The following PRKCA variants were observed in gnomAD, a reference collection of about 807,000 sequenced individuals.
PRKCA encodes the protein protein kinase C alpha.
In PRKCA, 27 loss-of-function variants were observed where a neutral mutation model predicts 87.0. The observed-to-expected ratio is 0.31, with a 90% CI of 0.23 to 0.43. The LOEUF is 0.43. Among genes scored for constraint, PRKCA ranks in the 20% least tolerant of loss-of-function variants. The pLI, the probability that PRKCA is intolerant of heterozygous loss-of-function variation, is 1.00. For missense variants in PRKCA, 518 were observed against 852.3 expected (o/e 0.61, Z 4.88); for synonymous variants, 329 against 311.1 (o/e 1.06, Z -0.61).
At chr17:66,441,560 T>C (rs774285162) in intron 2 of PRKCA, among the ~76,000 whole-genome samples, 3 of 152,174 alleles carry the variant, frequency 2.0e-5, no homozygotes, top group Non-Finnish European at 4.4e-5. Context: ...TTCATACGAC[T>C]CTCGTCTCAG....
chr17:66,658,355 C>G (rs59250087), intron 5 of PRKCA, among the ~76,000 whole-genome samples: 2,381 of 152,218 alleles, frequency 0.016, 72 homozygotes, highest in African/African-American at 0.054. Flanking sequence ...GTGGCAGACA[C>G]CTGTAATCCC....
chr17:66,709,946 A>G (rs1973282426), intron 8 of PRKCA, among the ~76,000 whole-genome samples: 1 of 152,174 alleles, frequency 6.6e-6, no homozygotes, highest in Non-Finnish European at 1.5e-5. Flanking sequence ...TGTATATAAC[A>G]TTACTGGGCA....
At chr17:66,779,662 G>C (rs1975156221) in intron 14 of PRKCA, among the ~76,000 whole-genome samples, 1 of 152,104 alleles carries the variant, frequency 6.6e-6, no homozygotes, top group Non-Finnish European at 1.5e-5. Flanking sequence ...GCTGTGATTA[G>C]GAATCCTTTT....
At chr17:66,605,604 G>A (rs1190977874) in intron 3 of PRKCA, among the ~76,000 whole-genome samples, 2 of 152,114 alleles carry the variant, frequency 1.3e-5, no homozygotes, top group East Asian at 1.9e-4. Context: ...GGTATATACC[G>A]AAGAGAATGA....
At chr17:66,522,683 A>G (rs1042050975) in intron 3 of PRKCA, among the ~76,000 whole-genome samples, 1 of 152,104 alleles carries the variant, frequency 6.6e-6, no homozygotes, top group Non-Finnish European at 1.5e-5. Context: ...AGGGAAGGTT[A>G]AGACACACAG....
At chr17:66,317,896 T>C (rs1028241010) in intron 2 of PRKCA, among the ~76,000 whole-genome samples, 3 of 152,262 alleles carry the variant, frequency 2.0e-5, no homozygotes. Flanking sequence ...TTTTTAAAAA[T>C]GTAAAATATT....
chr17:66,323,643 A>G (rs1202084649), intron 2 of PRKCA, among the ~76,000 whole-genome samples: 2 of 152,186 alleles, frequency 1.3e-5, no homozygotes, highest in African/African-American at 2.4e-5. Flanking sequence ...GGAGTGGTAG[A>G]AAGAATTGCT....
At chr17:66,581,912 T>C (rs1969450456) in intron 3 of PRKCA, among the ~76,000 whole-genome samples, 1 of 152,172 alleles carries the variant, frequency 6.6e-6, no homozygotes, top group African/African-American at 2.4e-5. Flanking sequence ...TTTGGGCAAG[T>C]TTTAACTTCT....
chr17:66,310,929 G>A (rs1259571912), intron 2 of PRKCA, among the ~76,000 whole-genome samples: 3 of 152,152 alleles, frequency 2.0e-5, no homozygotes, highest in Non-Finnish European at 4.4e-5. Flanking sequence ...TTGAGCAGAG[G>A]ATCTGTCTGT....
intron 8 of PRKCA, among the ~76,000 whole-genome samples, chr17:66,692,498 C>A (rs950791488): frequency 2.0e-5 from 3 of 152,146 alleles, no homozygotes; most frequent in African/African-American, 7.2e-5. Flanking sequence ...TTCCCCAGTG[C>A]CAAGTTACTG....
At chr17:66,772,150 A>C (rs1209648616) in intron 13 of PRKCA, among the ~76,000 whole-genome samples, 1 of 152,210 alleles carries the variant, frequency 6.6e-6, no homozygotes, top group Non-Finnish European at 1.5e-5. Context: ...GGGAACTGGA[A>C]TGAGATGTAT....
intron 3 of PRKCA, among the ~76,000 whole-genome samples, chr17:66,515,737 G>T (rs1966947074): frequency 6.6e-6 from 1 of 152,130 alleles, no homozygotes; most frequent in South Asian, 2.1e-4. Flanking sequence ...TAGAGATGGG[G>T]CCTCGCTATG....
rs914893415 is a variant in PRKCA at position 66,413,881 on chromosome 17, G to A, written c.206-82320G>A. On this transcript the variant is annotated intron_variant, in intron 2 of 16. Transcript: ENST00000413366. ...ATACAAAAATTAGCTGAGCATGGTG[G>A]CAGGCACCTGTAATCTCAGCTACTG... 3.3e-5 allele frequency among the ~76,000 whole-genome samples: 5 copies of A among 152,046 alleles called. No individual in the cohort carries two copies. The East Asian group carries it at 9.7e-4, about 29-fold the overall frequency.
chr17:66,798,021 A>G (rs1278231201), intron 16 of PRKCA, among the ~76,000 whole-genome samples: 2 of 152,382 alleles, frequency 1.3e-5, no homozygotes, highest in East Asian at 3.9e-4. Flanking sequence ...CCGCTGTCAC[A>G]GACTGCTGTA....
intron 2 of PRKCA, among the ~76,000 whole-genome samples, chr17:66,431,194 G>C (rs1913081154): frequency 6.6e-6 from 1 of 152,162 alleles, no homozygotes; most frequent in South Asian, 2.1e-4. Context: ...CAATGTATTT[G>C]AAGTTCCTTG....
At chr17:66,615,445 G>A (rs184593086) in intron 3 of PRKCA, among the ~76,000 whole-genome samples, 1 of 152,274 alleles carries the variant, frequency 6.6e-6, no homozygotes, top group Admixed American at 6.5e-5. Flanking sequence ...AGTGAACCTT[G>A]TATGTAGCTC....
intron 3 of PRKCA, among the ~76,000 whole-genome samples, chr17:66,547,320 G>A (rs570562174): frequency 2.6e-5 from 4 of 152,092 alleles, no homozygotes; most frequent in Non-Finnish European, 4.4e-5. Flanking sequence ...TCTGTGCCCT[G>A]CTATGGATGA....
Position 66,371,095 on chromosome 17 carries a change from T to C in PRKCA, c.205+64968T>C, listed in dbSNP as rs573665004. On this transcript the variant is annotated intron_variant, in intron 2 of 16. Transcript: ENST00000413366. ...TAGCATGCGAGTAGCAAATAAGATA[T>C]GATGTATGTATTTTTGCAGTTTTTT... Among the ~76,000 whole-genome samples, 35 of 152,306 alleles carry C rather than the reference T, an allele frequency of 2.3e-4. 1 individual carries two copies. The South Asian group carries it at 6.6e-3, about 29-fold the overall frequency.
chr17:66,628,012 CG>C (rs1970905523), intron 3 of PRKCA, among the ~76,000 whole-genome samples: 1 of 152,180 alleles, frequency 6.6e-6, no homozygotes, highest in Non-Finnish European at 1.5e-5. Context: ...AACTCATGCA[CG>C]GCCAAATGCC....
Sources: allele counts gnomAD v4.1 joint callset (sites outside exome capture counted in the v4.1 genomes callset), GRCh38; gene constraint gnomAD v4.1.1; transcripts MANE v1.5; gene names NCBI Gene and HGNC (gene_info 2026-07-23, HGNC 2026-07-21).